Variants in MAL2 observed in about 807,000 individuals in gnomAD.
MAL2 encodes the protein protein MAL2.
In MAL2, 17 loss-of-function variants were observed where a neutral mutation model predicts 18.1. The observed-to-expected ratio is 0.94, with a 90% confidence interval of 0.64 to 1.41. The LOEUF (loss-of-function observed/expected upper bound fraction) is 1.41, where lower values mean the gene tolerates loss of function less well. Ranked by LOEUF, MAL2 falls within the 40% of genes most tolerant of loss-of-function variation. The probability of loss-of-function intolerance (pLI) is 0.00; values close to 1 mark genes in which losing one functional copy is unlikely to be tolerated. For synonymous variants in MAL2, 102 were observed against 102.3 expected (o/e 1.00, Z 0.02); for missense variants, 222 against 231.9 (o/e 0.96, Z 0.28).
At chr8:119,216,371 C>G (rs1164077938) in intron 1 of MAL2, among the ~76,000 whole-genome samples, 2 of 152,156 alleles carry the variant, frequency 1.3e-5, no homozygotes, top group African/African-American at 4.8e-5. Flanking sequence ...AGGTCTAACA[C>G]TTATTAACTA....
rs747058213 is a variant in MAL2, at chr8:119,240,207, G to T, written c.346G>T (p.Ala116Ser). 3.7e-6 allele frequency: 6 copies of T among 1,613,336 alleles called. No individual in the cohort carries two copies. The highest frequency in any genetic ancestry group is 2.2e-5 in the East Asian group (1 of 44,874). Residue 116 changes from alanine (A) to serine (S), a missense_variant, in exon 3 of 4, where the codon GCC (alanine) becomes TCC (serine). Transcript: ENST00000614891. ...TACAGTATTTGTCTTCTATTTTGGA[G>T]CCTTTTTATTGGAAGCAGCAGCCAC... The part of the protein sequence containing the change: ...HFTVFVFYFG[A>S]FLLEAAATSL...
chr8:119,212,276 T>C (rs1266549763), intron 1 of MAL2, among the ~76,000 whole-genome samples: 3 of 152,246 alleles, frequency 2.0e-5, no homozygotes, highest in South Asian at 4.1e-4. Context: ...CAGATAATCA[T>C]TGAATTCATT....
At position 119,208,505 on chromosome 8, in the gene MAL2, C is replaced by G. The variant is rs964630069; in HGVS notation, c.33C>G (p.Pro11=). 2 of 1,333,638 alleles carry G rather than the reference C, an allele frequency of 1.5e-6. No homozygotes were observed. The highest frequency in any genetic ancestry group is 6.2e-5 in the Admixed American group (2 of 32,304). The allele number at this position is 1,333,638 out of a possible 1,614,324, so 82.6% of individuals were successfully genotyped here. The part of the protein sequence containing the change: MSAGGASVPP[P]PNPAVSFPPP... ...CCGGCGGAGCGTCAGTCCCGCCGCC[C>G]CCGAACCCCGCCGTGTCCTTCCCGC... Residue 11 remains proline (P), a synonymous_variant, in exon 1 of 4, where the codon CCC becomes CCG. Coordinates refer to ENST00000614891, the MANE Select transcript of MAL2 (RefSeq NM_052886.3). The surrounding 1 kb of genome is among the most constrained non-coding windows in gnomAD (Gnocchi z 4.3).
At chr8:119,232,314 G>A (rs60879825) in intron 2 of MAL2, among the ~76,000 whole-genome samples, 11,956 of 152,040 alleles carry the variant, frequency 0.079, 1,363 homozygotes, top group African/African-American at 0.25. Context: ...ATATTTGTCT[G>A]GCTTCAAACA....
intron 2 of MAL2, among the ~76,000 whole-genome samples, chr8:119,230,652 C>A (rs975570067): frequency 6.6e-6 from 1 of 152,176 alleles, no homozygotes; most frequent in Non-Finnish European, 1.5e-5. Context: ...GTCACCAAAT[C>A]TCTTTATTTA....
chr8:119,228,243 CAG>C (rs796961236), intron 2 of MAL2, among the ~76,000 whole-genome samples: 2 of 152,204 alleles, frequency 1.3e-5, no homozygotes, highest in African/African-American at 4.8e-5. Context: ...CCAAAGTGGC[CAG>C]AGAGTAGCCA....
chr8:119,221,674 A>G lies in MAL2; in HGVS notation c.220A>G (p.Thr74Ala). The G allele has an allele frequency of 6.2e-7, 1 of 1,613,894 alleles. No individual in the cohort carries two copies. The highest frequency in any genetic ancestry group is 8.5e-7 in the Non-Finnish European group (1 of 1,179,852). Residue 74 changes from threonine (T) to alanine (A), a missense_variant, in exon 2 of 4, where the codon ACA becomes GCA. Thr to Ala is a moderately conservative substitution (Grantham distance 58, BLOSUM62 0). Coordinates refer to ENST00000614891, the MANE Select transcript of MAL2 (RefSeq NM_052886.3). Reference sequence around the variant, plus strand: ...AGGATGGGTCATGTTTGTGTCCGTGACAGCGTTTTTCTTTTCGCTCCTCTT... The same window carrying G: ...AGGATGGGTCATGTTTGTGTCCGTGGCAGCGTTTTTCTTTTCGCTCCTCTT... ...LQGWVMFVSV[T>A]AFFFSLLFLG...
chr8:119,236,977 C>T (rs923207847), intron 2 of MAL2, among the ~76,000 whole-genome samples: 1 of 151,356 alleles, frequency 6.6e-6, no homozygotes, highest in Middle Eastern at 3.4e-3. Flanking sequence ...ACACAAAAAA[C>T]CCTTCAAAAA....
At chr8:119,226,628 G>A (rs1817601787) in intron 2 of MAL2, among the ~76,000 whole-genome samples, 1 of 31,836 alleles carries the variant, frequency 3.1e-5, no homozygotes, top group African/African-American at 5.7e-5. Context: ...AGCACATGAA[G>A]GCAATTAAGA....
chr8:119,213,696 G>A (rs1483159332), intron 1 of MAL2, among the ~76,000 whole-genome samples: 2 of 152,252 alleles, frequency 1.3e-5, no homozygotes, highest in East Asian at 3.9e-4. Flanking sequence ...GCACATGACT[G>A]TAATCCCAGC....
rs1818110306 is a variant in MAL2, at chr8:119,244,397, A to G, written c.*909A>G. On this transcript the variant is annotated 3_prime_UTR_variant, in exon 4 of 4. Coordinates refer to ENST00000614891, the MANE Select transcript of MAL2 (RefSeq NM_052886.3). Reference sequence around the variant, plus strand: ...GCTTAATCAAACTAATGATAGTCTAACAACTGAGCAAGATCCTCATCTGAG... The same window carrying G: ...GCTTAATCAAACTAATGATAGTCTAGCAACTGAGCAAGATCCTCATCTGAG... 6.6e-6 allele frequency: 1 copy of G among 152,198 alleles called. No individual in the cohort carries two copies. The highest frequency in any genetic ancestry group is 6.5e-5 in the Admixed American group (1 of 15,272). 9.4% of individuals were successfully genotyped at this position (152,198 alleles called of 1,614,324 possible).
chr8:119,234,623 G>A (rs967528046), intron 2 of MAL2, among the ~76,000 whole-genome samples: 2 of 151,950 alleles, frequency 1.3e-5, no homozygotes, highest in Non-Finnish European at 2.9e-5. Flanking sequence ...AGACCTGGCA[G>A]ACTGCCTCCT....
At chr8:119,225,538 G>T (rs187626704) in intron 2 of MAL2, among the ~76,000 whole-genome samples, 6 of 152,264 alleles carry the variant, frequency 3.9e-5, no homozygotes, top group Admixed American at 6.5e-5. Context: ...ATTTCGGTTG[G>T]TTCCAAGTCT....
chr8:119,208,812 C>T lies in MAL2; in HGVS notation c.132+208C>T. ...AGCACCTGTTACGCGGGCACCTGCTCCCCCGCGGGCGACGGAAATTGCCTG... is the reference window on the plus strand; with the variant it reads ...AGCACCTGTTACGCGGGCACCTGCTTCCCCGCGGGCGACGGAAATTGCCTG... On this transcript the variant is annotated intron_variant, in intron 1 of 3. Coordinates refer to ENST00000614891, the MANE Select transcript of MAL2 (RefSeq NM_052886.3). The surrounding 1 kb of genome is among the most constrained non-coding windows in gnomAD (Gnocchi z 4.3). 2.7e-6 allele frequency: 2 copies of T among 739,532 alleles called. No homozygotes were observed. The highest frequency in any genetic ancestry group is 4.6e-5 in the Admixed American group (1 of 21,904). 45.8% of individuals were successfully genotyped at this position (739,532 alleles called of 1,614,324 possible). A position where few individuals can be genotyped will look rare whatever the true frequency, so the allele number is the denominator to read the frequency against.
At chr8:119,232,076 AAAG>A (rs1425879929) in intron 2 of MAL2, among the ~76,000 whole-genome samples, 5 of 151,096 alleles carry the variant, frequency 3.3e-5, no homozygotes, top group African/African-American at 9.9e-5. Flanking sequence ...ACCACAAAAA[AAAG>A]ATAATTTTGG....
rs544846713 is a variant in MAL2, at chr8:119,238,848, T to C, written c.304-1317T>C. On this transcript the variant is annotated intron_variant, in intron 2 of 3. Coordinates refer to ENST00000614891, the MANE Select transcript of MAL2 (RefSeq NM_052886.3). ...CTAGAAGAAAACCTAGGCATTACCA[T>C]TCAGGACATAGGCATGGGCAAGGAC... Among the ~76,000 whole-genome samples, 7 of 151,632 alleles carry C rather than the reference T, an allele frequency of 4.6e-5. No individual in the cohort carries two copies. In the South Asian group the frequency reaches 1.5e-3, roughly 32 times the overall value.
At chr8:119,229,313 C>CTTTT (rs60554580) in intron 2 of MAL2, among the ~76,000 whole-genome samples, 2 of 137,486 alleles carry the variant, frequency 1.5e-5, no homozygotes, top group Non-Finnish European at 3.1e-5. Flanking sequence ...CTGTGGGCCT[C>CTTTT]TTTTTTTTTT....
chr8:119,234,553 G>T (rs867853613), intron 2 of MAL2, among the ~76,000 whole-genome samples: 40 of 152,248 alleles, frequency 2.6e-4, no homozygotes, highest in Middle Eastern at 3.4e-3. Context: ...AGACTTAAAT[G>T]TCCCTGTCTG....
intron 2 of MAL2, among the ~76,000 whole-genome samples, chr8:119,238,716 T>C (rs540263314): frequency 1.3e-5 from 2 of 150,540 alleles, no homozygotes; most frequent in South Asian, 4.2e-4. Flanking sequence ...GAAAACTGGC[T>C]AGCCATATGT....
Sources: allele counts gnomAD v4.1 joint callset (sites outside exome capture counted in the v4.1 genomes callset), GRCh38; gene constraint gnomAD v4.1.1; non-coding constraint Gnocchi (gnomAD v3.1); transcripts MANE v1.5; gene names NCBI Gene and HGNC (gene_info 2026-07-23, HGNC 2026-07-21).